SNTB1: variants seen among roughly 807,000 people sequenced by gnomAD.
SNTB1 encodes syntrophin beta 1.
SNTB1 carries 36 observed loss-of-function variants against 48.9 expected under a neutral mutation model. That is an observed-to-expected ratio of 0.74 (90% confidence interval 0.56 to 0.97). SNTB1 has a LOEUF of 0.97. Among genes scored for constraint, SNTB1 ranks in the 50% least tolerant of loss-of-function variants. SNTB1 has a pLI of 0.00. For missense variants in SNTB1, 786 were observed against 703.4 expected, an observed-to-expected ratio of 1.12 and a Z score of -1.33; for synonymous variants, 299 against 294.6, an observed-to-expected ratio of 1.01 and a Z score of -0.15.
chr8:120,808,319 G>C (rs1249353119), intron 1 of SNTB1, among the ~76,000 whole-genome samples: 1 of 152,194 alleles, frequency 6.6e-6, no homozygotes, highest in Non-Finnish European at 1.5e-5. Flanking sequence ...AAGTGTAACA[G>C]GTAAAGCCTG....
Position 120,583,560 on chromosome 8 carries a change from C to CACACACAA in SNTB1, c.997-8336_997-8335insTTGTGTGT, listed in dbSNP as rs1466831833. ...ACACACACACACACACACACACACA[C>CACACACAA]AAAACTGGAACAGTACTATCTCTCT... On this transcript the variant is annotated intron_variant, in intron 3 of 6. Transcript: ENST00000517992. Among the ~76,000 whole-genome samples, 105 of 134,812 alleles carry CACACACAA rather than the reference C, an allele frequency of 7.8e-4. 1 individual carries two copies. The highest frequency in any genetic ancestry group is 2.8e-3 in the African/African-American group (103 of 36,704). 88.4% of individuals were successfully genotyped at this position (134,812 alleles called of 152,430 possible).
chr8:120,561,348 A>C (rs1815656652), intron 4 of SNTB1, among the ~76,000 whole-genome samples: 2 of 147,984 alleles, frequency 1.4e-5, no homozygotes, highest in South Asian at 4.2e-4. Context: ...AAAGAAAAAA[A>C]GAAAAAAAAG....
chr8:120,659,088 T>C (rs555778816), intron 2 of SNTB1, among the ~76,000 whole-genome samples: 3 of 151,896 alleles, frequency 2.0e-5, no homozygotes, highest in African/African-American at 2.4e-5. Context: ...CTTAGCCTCC[T>C]AAGTAGCTGG....
At position 120,671,916 on chromosome 8, in the gene SNTB1, A is replaced by T. The variant is rs576280454; in HGVS notation, c.788+21776T>A. Among the ~76,000 whole-genome samples the T allele has an allele frequency of 3.3e-5, 5 of 152,350 alleles. No homozygotes were observed. The South Asian group carries it at 1.0e-3, about 32-fold the overall frequency. On this transcript the variant is annotated intron_variant, in intron 2 of 6. Transcript: ENST00000517992. ...ACCTTTTGAATATTAAACCAAGTGCATGTACAGATGGTCCCCAACTTATAG... is the reference window on the plus strand; with the variant it reads ...ACCTTTTGAATATTAAACCAAGTGCTTGTACAGATGGTCCCCAACTTATAG...
chr8:120,643,374 G>A (rs564787810), intron 2 of SNTB1, among the ~76,000 whole-genome samples: 7 of 152,214 alleles, frequency 4.6e-5, no homozygotes, highest in East Asian at 3.9e-4. Context: ...CCCATCACCC[G>A]AGCAGTGTAC....
chr8:120,719,190 AG>A (rs1331610824), intron 1 of SNTB1, among the ~76,000 whole-genome samples: 1 of 152,178 alleles, frequency 6.6e-6, no homozygotes, highest in East Asian at 1.9e-4. Flanking sequence ...CAGTGGGCTG[AG>A]AAAGGCAGAC....
chr8:120,539,085 G>A, intron 6 of SNTB1, 116 bp from the exon 7 acceptor site: 2 of 698,968 alleles, frequency 2.9e-6, no homozygotes, highest in South Asian at 2.0e-5. Context: ...GTTGACTGGA[G>A]CAATTATGCT....
chr8:120,577,959 C>G (rs906946688), intron 3 of SNTB1, among the ~76,000 whole-genome samples: 1 of 152,168 alleles, frequency 6.6e-6, no homozygotes, highest in Non-Finnish European at 1.5e-5. Context: ...AATGTAAATG[C>G]TTAGAGGTAG....
At chr8:120,637,100 T>A in intron 2 of SNTB1, 1 of 368,738 alleles carries the variant, frequency 2.7e-6, no homozygotes, top group Non-Finnish European at 5.3e-6. Context: ...CATTGGCCAG[T>A]GTTTGCAGGC....
At chr8:120,632,883 C>G (rs768584490) in intron 2 of SNTB1, among the ~76,000 whole-genome samples, 8 of 152,184 alleles carry the variant, frequency 5.3e-5, no homozygotes, top group Non-Finnish European at 1.0e-4. Flanking sequence ...TGTGCAACCA[C>G]CAAATCACCT....
intron 3 of SNTB1, among the ~76,000 whole-genome samples, chr8:120,609,018 A>G (rs1222888760): frequency 6.6e-6 from 1 of 152,240 alleles, no homozygotes; most frequent in African/African-American, 2.4e-5. Context: ...AATCCTGCTG[A>G]GATCCTTAAA....
At chr8:120,795,964 T>C (rs2130166069) in intron 1 of SNTB1, among the ~76,000 whole-genome samples, 1 of 152,180 alleles carries the variant, frequency 6.6e-6, no homozygotes, top group African/African-American at 2.4e-5. Flanking sequence ...GACCTCACTT[T>C]AACTTGATGA....
intron 2 of SNTB1, among the ~76,000 whole-genome samples, chr8:120,674,433 G>A (rs1166659601): frequency 1.3e-5 from 2 of 152,208 alleles, no homozygotes; most frequent in African/African-American, 4.8e-5. Flanking sequence ...GAAGACAGAT[G>A]TTACTAAAAA....
intron 3 of SNTB1, among the ~76,000 whole-genome samples, chr8:120,616,345 C>A (rs1008396026): frequency 6.8e-6 from 1 of 147,832 alleles, no homozygotes; most frequent in Non-Finnish European, 1.5e-5. Context: ...TTTCACATGG[C>A]CTGGGGTACA....
intron 1 of SNTB1, among the ~76,000 whole-genome samples, chr8:120,743,947 A>G (rs1234955881): frequency 6.6e-6 from 1 of 152,084 alleles, no homozygotes; most frequent in African/African-American, 2.4e-5. Context: ...TGGGTGACAT[A>G]GTATACTTTG....
At chr8:120,582,563 C>T (rs1179051240) in intron 3 of SNTB1, among the ~76,000 whole-genome samples, 1 of 152,008 alleles carries the variant, frequency 6.6e-6, no homozygotes. Context: ...AGAGAGAAGA[C>T]ACAAATTATG....
intron 1 of SNTB1, among the ~76,000 whole-genome samples, chr8:120,741,980 T>C (rs1275796420): frequency 6.6e-6 from 1 of 152,158 alleles, no homozygotes; most frequent in African/African-American, 2.4e-5. Flanking sequence ...TTAGGGTATG[T>C]GTAAGAGATA....
At chr8:120,735,893 A>G (rs1411228625) in intron 1 of SNTB1, among the ~76,000 whole-genome samples, 3 of 152,220 alleles carry the variant, frequency 2.0e-5, no homozygotes, top group Admixed American at 1.3e-4. Flanking sequence ...TAGTTCACCA[A>G]GTATTTTTAT....
chr8:120,551,123 G>T (rs1815472167), intron 4 of SNTB1, among the ~76,000 whole-genome samples: 1 of 152,024 alleles, frequency 6.6e-6, no homozygotes, highest in Admixed American at 6.6e-5. Context: ...GGACATGGTG[G>T]CACGCACCTG....
Sources: gnomAD v4.1 joint callset for allele counts (sites outside exome capture counted in the v4.1 genomes callset) on GRCh38, gnomAD v4.1.1 for gene constraint, MANE v1.5 for transcripts, NCBI Gene and HGNC (gene_info 2026-07-23, HGNC 2026-07-21) for gene names.